Variants in ZFPM1 observed in about 807,000 individuals in gnomAD.
ZFPM1 encodes the protein zinc finger protein ZFPM1.
A neutral mutation model predicts 46.3 loss-of-function variants in ZFPM1; 28 were observed. That is an observed-to-expected ratio of 0.60 (90% CI 0.45 to 0.83). The LOEUF (loss-of-function observed/expected upper bound fraction) is 0.83, where lower values mean the gene tolerates loss of function less well. ZFPM1 is among the 40% of genes least tolerant of loss of function. The pLI is 0.00. For synonymous variants in ZFPM1, 957 were observed against 675.9 expected, an observed-to-expected ratio of 1.42 and a Z score of -6.45; for missense variants, 1,878 against 1,432.4, an observed-to-expected ratio of 1.31 and a Z score of -5.02.
intron 1 of ZFPM1, among the ~76,000 whole-genome samples, chr16:88,475,644 G>C (rs373330390): frequency 1.2e-4 from 18 of 152,192 alleles, no homozygotes; most frequent in African/African-American, 4.3e-4. Context: ...GCAGGGCTCG[G>C]GAAAAGGGTG....
chr16:88,524,670 C>A (rs1238693426), intron 4 of ZFPM1, among the ~76,000 whole-genome samples: 1 of 152,266 alleles, frequency 6.6e-6, no homozygotes, highest in Non-Finnish European at 1.5e-5. Flanking sequence ...AGGCAAAAAG[C>A]TTCACACAGA....
Position 88,518,737 on chromosome 16 carries a change from G to GTGGATGGA in ZFPM1, c.402+4248_402+4255dup, listed in dbSNP as rs56367074. 3.6e-3 allele frequency among the ~76,000 whole-genome samples: 452 copies of GTGGATGGA among 126,256 alleles called. 1 individual carries two copies. The highest frequency in any genetic ancestry group is 4.8e-3 in the African/African-American group (147 of 30,722). The allele number at this position is 126,256 out of a possible 152,430, so 82.8% of individuals were successfully genotyped here. On this transcript the variant is annotated intron_variant, in intron 4 of 9. Coordinates refer to ENST00000319555, the MANE Select transcript of ZFPM1 (RefSeq NM_153813.3). The stretch of plus-strand genomic sequence containing the variant: ...GATGGATGGATGGATGGCTGAGAGG[G>GTGGATGGA]TGGATGGATGGATGGATGGATGGAT...
At chr16:88,512,317 G>T (rs942127145) in intron 3 of ZFPM1, among the ~76,000 whole-genome samples, 7 of 152,188 alleles carry the variant, frequency 4.6e-5, no homozygotes, top group Non-Finnish European at 8.8e-5. Flanking sequence ...ATACGCGGCA[G>T]GTGTGGACGC....
At chr16:88,508,650 A>G (rs1052949352) in intron 3 of ZFPM1, among the ~76,000 whole-genome samples, 1 of 152,218 alleles carries the variant, frequency 6.6e-6, no homozygotes, top group Non-Finnish European at 1.5e-5. Flanking sequence ...AGGTGGCTGC[A>G]GCACACAGAG....
chr16:88,516,450 G>A lies in ZFPM1; in HGVS notation c.402+1930G>A, dbSNP rs935394498. On this transcript the variant is annotated intron_variant, in intron 4 of 9. Coordinates refer to ENST00000319555, the MANE Select transcript of ZFPM1 (RefSeq NM_153813.3). ...AAGGGGAGCCAAGGCCAGAGGAGCC[G>A]CTGGGGCTCTGTGGGGAGCCCGGGG... 1.5e-4 allele frequency: 60 copies of A among 398,008 alleles called. 2 individuals are homozygous for A. Among genetic ancestry groups the A allele is most frequent in the South Asian group, 1.1e-3 (8 of 7,452 alleles). The allele number at this position is 398,008 out of a possible 1,614,324, so 24.7% of individuals were successfully genotyped here. A position where few individuals can be genotyped will look rare whatever the true frequency, so the allele number is the denominator to read the frequency against.
At chr16:88,493,983 C>T (rs762218769) in intron 3 of ZFPM1, among the ~76,000 whole-genome samples, 11 of 152,168 alleles carry the variant, frequency 7.2e-5, no homozygotes, top group Non-Finnish European at 1.2e-4. Context: ...GCAGGCAGGC[C>T]GCCTGACCCC....
chr16:88,513,702 A>C (rs1474650077), intron 3 of ZFPM1, among the ~76,000 whole-genome samples: 2 of 152,198 alleles, frequency 1.3e-5, no homozygotes, highest in Admixed American at 6.5e-5. Context: ...GGCTTCAGGC[A>C]GCAGAGTGTG....
At chr16:88,495,630 G>A (rs1035632651) in intron 3 of ZFPM1, among the ~76,000 whole-genome samples, 8 of 152,264 alleles carry the variant, frequency 5.3e-5, no homozygotes, top group South Asian at 2.1e-4. Context: ...GGGCAGGACC[G>A]TGCCAAGGGT....
rs753291676 is a variant in ZFPM1, at chr16:88,533,740, G to A, written c.1782G>A (p.Val594=). The part of the protein sequence containing the change: ...ITFSNVNNYY[V]HKRLYCSGRR... ...TCAGCAACGTCAACAACTACTACGT[G>A]CACAAGCGCCTCTACTGTTCAGGCC... is the stretch of plus-strand genomic sequence containing the variant. The change falls in exon 10 of 10, where the codon GTG becomes GTA. Residue 594 remains valine, a synonymous_variant. Transcript: ENST00000319555. 1.0e-5 allele frequency: 15 copies of A among 1,484,740 alleles called. No homozygotes were observed. In the South Asian group the frequency reaches 1.8e-4, roughly 17 times the overall value. The allele number at this position is 1,484,740 out of a possible 1,614,324, so 92.0% of individuals were successfully genotyped here.
chr16:88,455,132 G>GGGGTGT (rs1181672760), intron 1 of ZFPM1, among the ~76,000 whole-genome samples: 26 of 141,770 alleles, frequency 1.8e-4, no homozygotes, highest in East Asian at 1.7e-3. Flanking sequence ...TCGGTTCTGG[G>GGGGTGT]GTGTGTGTGT....
chr16:88,516,785 TC>T, intron 4 of ZFPM1: 1 of 392,152 alleles, frequency 2.6e-6, no homozygotes, highest in East Asian at 3.6e-5. Flanking sequence ...TGCCAGTTTT[TC>T]TTCTCTCTTT....
intron 1 of ZFPM1, among the ~76,000 whole-genome samples, chr16:88,462,610 C>A (rs1226385049): frequency 6.6e-6 from 1 of 152,188 alleles, no homozygotes; most frequent in African/African-American, 2.4e-5. Context: ...GAGAGGGCAG[C>A]CACCGCGGGC....
chr16:88,453,731 C>T, intron 1 of ZFPM1, 53 bp downstream of exon 1: 3 of 1,109,366 alleles, frequency 2.7e-6, no homozygotes, highest in Non-Finnish European at 3.4e-6. Context: ...CCCGCCGGAG[C>T]CCAGCCGCCA....
At chr16:88,501,774 A>G (rs1229067141) in intron 3 of ZFPM1, among the ~76,000 whole-genome samples, 2 of 146,576 alleles carry the variant, frequency 1.4e-5, no homozygotes, top group Non-Finnish European at 2.9e-5. Flanking sequence ...GATAATGGAG[A>G]TAGCGGGCAT....
chr16:88,453,799 C>T (rs1907404134), intron 1 of ZFPM1, 121 bp downstream of exon 1: 1 of 517,818 alleles, frequency 1.9e-6, no homozygotes, highest in Non-Finnish European at 2.5e-6. Flanking sequence ...CACCCCGCGC[C>T]GCGCCCCCCG....
At chr16:88,526,106 C>T (rs891162571) in intron 4 of ZFPM1, among the ~76,000 whole-genome samples, 16 of 152,316 alleles carry the variant, frequency 1.1e-4, no homozygotes, top group African/African-American at 3.8e-4. Flanking sequence ...CTCAGGCCCA[C>T]AGGAAGGGGC....
At chr16:88,530,481 G>C (rs1373110537) in intron 6 of ZFPM1, 1 of 152,222 alleles carries the variant, frequency 6.6e-6, no homozygotes, top group Non-Finnish European at 1.5e-5. Flanking sequence ...GCCAGGGCAC[G>C]GCCGACGCTT....
Position 88,460,667 on chromosome 16 carries a change from G to A in ZFPM1, c.40+6989G>A, listed in dbSNP as rs76084899. Among the ~76,000 whole-genome samples, 119 of 152,322 alleles carry A rather than the reference G, an allele frequency of 7.8e-4. 1 individual carries two copies. Among genetic ancestry groups the A allele is most frequent in the East Asian group, 7.7e-3 (40 of 5,176 alleles). Reference sequence around the variant, plus strand: ...AGCCAATGCCCACCTTAGAGACTCCGCTTTAGAGTGGGAATAACAGGGTCC... The same window carrying A: ...AGCCAATGCCCACCTTAGAGACTCCACTTTAGAGTGGGAATAACAGGGTCC... On this transcript the variant is annotated intron_variant, in intron 1 of 9. Coordinates refer to ENST00000319555, the MANE Select transcript of ZFPM1 (RefSeq NM_153813.3).
At chr16:88,507,198 G>A (rs527863918) in intron 3 of ZFPM1, among the ~76,000 whole-genome samples, 103 of 152,326 alleles carry the variant, frequency 6.8e-4, no homozygotes, top group Middle Eastern at 3.4e-3. Context: ...CTTGCTGGCT[G>A]TGTAACCTCC....
Sources: allele counts gnomAD v4.1 joint callset (sites outside exome capture counted in the v4.1 genomes callset), GRCh38; gene constraint gnomAD v4.1.1; transcripts MANE v1.5; gene names NCBI Gene and HGNC (gene_info 2026-07-23, HGNC 2026-07-21).